KDF1: variants seen among roughly 807,000 people sequenced by gnomAD.
KDF1 encodes the protein keratinocyte differentiation factor 1.
In KDF1, 11 loss-of-function variants were observed where a neutral mutation model predicts 31.6. The observed-to-expected ratio is 0.35, with a 90% CI of 0.22 to 0.58. The LOEUF (loss-of-function observed/expected upper bound fraction) is 0.58, where lower values mean the gene tolerates loss of function less well. Ranked by LOEUF, KDF1 falls within the 20% of genes least tolerant of loss-of-function variation. The pLI, the probability that KDF1 is intolerant of heterozygous loss-of-function variation, is 0.83. For missense variants in KDF1, 476 were observed against 549.1 expected, an observed-to-expected ratio of 0.87 and a Z score of 1.33; for synonymous variants, 205 against 214.4, an observed-to-expected ratio of 0.96 and a Z score of 0.38.
rs918700516 is a variant in KDF1, at chr1:26,950,594, C to A, written c.1114+88G>T. Reference sequence around the variant, plus strand: ...TCCCTTTTTGATGTCATCCTCATCACCCCAAAAGAAAGCTGGGAGAGCAGC... The same window carrying A: ...TCCCTTTTTGATGTCATCCTCATCAACCCAAAAGAAAGCTGGGAGAGCAGC... On this transcript the variant is annotated intron_variant, in intron 3 of 3. Transcript: ENST00000320567. This position sits in a 1 kb window ranked among gnomAD's most constrained non-coding sequence, Gnocchi z 4.0. 9.1e-7 allele frequency: 1 copy of A among 1,104,000 alleles called. No individual in the cohort carries two copies. The allele number at this position is 1,104,000 out of a possible 1,614,324, so 68.4% of individuals were successfully genotyped here.
Position 26,950,644 on chromosome 1 carries a change from C to T in KDF1, c.1114+38G>A. 6.4e-7 allele frequency: 1 copy of T among 1,561,990 alleles called. No homozygotes were observed. The highest frequency in any genetic ancestry group is 2.2e-5 in the East Asian group (1 of 44,546). Reference sequence around the variant, plus strand: ...CAGGTGAGGGGCCCCTAGGGTAGTCCCCCACCCTCCACACCCCTCATTAGG... The same window carrying T: ...CAGGTGAGGGGCCCCTAGGGTAGTCTCCCACCCTCCACACCCCTCATTAGG... On this transcript the variant is annotated intron_variant, in intron 3 of 3. Transcript: ENST00000320567. This position sits in a 1 kb window ranked among gnomAD's most constrained non-coding sequence, Gnocchi z 4.0.
In KDF1 at chr1:26,950,025, C is replaced by T; in HGVS notation, c.*44G>A. On this transcript the variant is annotated 3_prime_UTR_variant, in exon 4 of 4. Transcript: ENST00000320567. This position sits in a 1 kb window ranked among gnomAD's most constrained non-coding sequence, Gnocchi z 4.0. The stretch of plus-strand genomic sequence containing the variant: ...TGGTCCCCCTCTTCATTCTGTAGGC[C>T]ATGCTTCTCCCAGAAAGGGTGTGGC... 1 of 1,568,720 alleles carries T rather than the reference C, an allele frequency of 6.4e-7. No individual in the cohort carries two copies. Among genetic ancestry groups the T allele is most frequent in the Non-Finnish European group, 8.8e-7 (1 of 1,139,860 alleles).
chr1:26,959,817 C>T (rs1264167637), intron 1 of KDF1, among the ~76,000 whole-genome samples: 1 of 152,120 alleles, frequency 6.6e-6, no homozygotes, highest in Non-Finnish European at 1.5e-5. Flanking sequence ...CAGTCCTGCT[C>T]GAGAAACAGC....
chr1:26,953,680 T>G (rs914777185), intron 1 of KDF1, among the ~76,000 whole-genome samples: 1 of 151,888 alleles, frequency 6.6e-6, no homozygotes, highest in African/African-American at 2.4e-5. Flanking sequence ...ATAGCCCGGG[T>G]GCGGTGGCTC....
intron 1 of KDF1, among the ~76,000 whole-genome samples, chr1:26,955,429 A>G (rs964058980): frequency 6.6e-6 from 1 of 152,174 alleles, no homozygotes; most frequent in African/African-American, 2.4e-5. Context: ...AGCAACATTT[A>G]ACACCAACCA....
In KDF1 at chr1:26,952,600, G is replaced by A. The variant is rs1207258354; in HGVS notation, c.-32-188C>T. Among the ~76,000 whole-genome samples the A allele has an allele frequency of 6.6e-6, 1 of 151,114 alleles. No homozygotes were observed. The highest frequency in any genetic ancestry group is 1.5e-5 in the Non-Finnish European group (1 of 67,996). On this transcript the variant is annotated intron_variant, in intron 1 of 3. Coordinates refer to ENST00000320567, the MANE Select transcript of KDF1 (RefSeq NM_152365.3). This position sits in a 1 kb window ranked among gnomAD's most constrained non-coding sequence, Gnocchi z 4.1. The stretch of plus-strand genomic sequence containing the variant: ...TGCCCAAAAACCCTTATCTCTTGTG[G>A]CCCTCCCTCCACAAAGAGAAAGTCT...
chr1:26,956,141 C>T (rs150997466), intron 1 of KDF1, among the ~76,000 whole-genome samples: 110 of 152,264 alleles, frequency 7.2e-4, no homozygotes, highest in African/African-American at 2.3e-3. Flanking sequence ...ACACTGATCC[C>T]TTATCCTTTT....
intron 1 of KDF1, among the ~76,000 whole-genome samples, chr1:26,953,733 T>A (rs1175859339): frequency 2.0e-5 from 3 of 152,034 alleles, no homozygotes; most frequent in African/African-American, 7.2e-5. Context: ...GATGGGTGGA[T>A]CACTTGAGCG....
At chr1:26,958,214 T>G (rs1431369126) in intron 1 of KDF1, among the ~76,000 whole-genome samples, 1 of 147,456 alleles carries the variant, frequency 6.8e-6, no homozygotes, top group East Asian at 2.1e-4. Flanking sequence ...CTTGGCTCAC[T>G]GCAACCTCTG....
rs755657572 is a variant in KDF1 at position 26,951,870 on chromosome 1, C to A, written c.511G>T (p.Val171Leu). ...GAGGTGGCCCTCGGGTAGGGATACA[C>A]AGGGATGCCTTTGAGCTTAACATCG... Reference protein sequence around the residue: ...YPDVKLKGIPVYPYPRATSPA... With the variant: ...YPDVKLKGIPLYPYPRATSPA... The change falls in exon 2 of 4, where the codon GTG (valine) becomes TTG (leucine). Residue 171 changes from valine (V) to leucine (L), a missense_variant. Physicochemically the swap from Val to Leu is conservative, Grantham distance 32. Around this residue, in one of 2 missense-constraint regions of KDF1, gnomAD observed 330 missense variants for 332.3 expected, o/e 0.99. Transcript: ENST00000320567. This position sits in a 1 kb window ranked among gnomAD's most constrained non-coding sequence, Gnocchi z 5.4. 6.2e-7 allele frequency: 1 copy of A among 1,613,228 alleles called. No homozygotes were observed. Among genetic ancestry groups the A allele is most frequent in the East Asian group, 2.2e-5 (1 of 44,866 alleles).
intron 1 of KDF1, among the ~76,000 whole-genome samples, chr1:26,958,714 T>C (rs1416980429): frequency 6.6e-6 from 1 of 152,188 alleles, no homozygotes; most frequent in Non-Finnish European, 1.5e-5. Flanking sequence ...CATCTATTAC[T>C]TGGGAGAAAA....
At chr1:26,955,869 C>T (rs951961917) in intron 1 of KDF1, among the ~76,000 whole-genome samples, 1 of 152,096 alleles carries the variant, frequency 6.6e-6, no homozygotes, top group Non-Finnish European at 1.5e-5. Context: ...GCAGGAGAAT[C>T]GCTTGAACTT....
Position 26,950,707 on chromosome 1 carries a change from C to T in KDF1, c.1089G>A (p.Arg363=), listed in dbSNP as rs775750974. 2 of 1,613,596 alleles carry T rather than the reference C, an allele frequency of 1.2e-6. No homozygotes were observed. Among genetic ancestry groups the T allele is most frequent in the Non-Finnish European group, 8.5e-7 (1 of 1,179,628 alleles). ...CTGGAGCTCCATAAGGCCTCAGCTT[C>T]CGGGCGATGGCATCTGCAGTCGTCT... ...SQETTADAIA[R]KLRPYGAPGY... The change falls in exon 3 of 4, where the codon CGG becomes CGA. Residue 363 remains arginine, a synonymous_variant. Coordinates refer to ENST00000320567, the MANE Select transcript of KDF1 (RefSeq NM_152365.3). This position sits in a 1 kb window ranked among gnomAD's most constrained non-coding sequence, Gnocchi z 4.0.
chr1:26,957,421 A>G (rs996240569), intron 1 of KDF1, among the ~76,000 whole-genome samples: 1 of 152,134 alleles, frequency 6.6e-6, no homozygotes, highest in South Asian at 2.1e-4. Context: ...CTATGTCCCC[A>G]AGGACCATGA....
chr1:26,957,498 T>C (rs188310736), intron 1 of KDF1, among the ~76,000 whole-genome samples: 15 of 152,194 alleles, frequency 9.9e-5, no homozygotes, highest in Admixed American at 3.3e-4. Flanking sequence ...TTTGGTACAC[T>C]AGGTGCCTCA....
intron 1 of KDF1, among the ~76,000 whole-genome samples, chr1:26,957,028 G>A (rs2082380014): frequency 6.6e-6 from 1 of 152,204 alleles, no homozygotes; most frequent in South Asian, 2.1e-4. Context: ...CAGGGCTCAA[G>A]TGATCCTCCT....
intron 1 of KDF1, among the ~76,000 whole-genome samples, chr1:26,959,644 T>C (rs930880726): frequency 1.4e-5 from 2 of 144,084 alleles, no homozygotes; most frequent in African/African-American, 5.0e-5. Flanking sequence ...GGATTTCTCG[T>C]TGATGCTTTC....
At position 26,960,261 on chromosome 1, in the gene KDF1, G is replaced by A. The variant is rs1442472820; in HGVS notation, c.-33+89C>T. On this transcript the variant is annotated intron_variant, in intron 1 of 3. Coordinates refer to ENST00000320567, the MANE Select transcript of KDF1 (RefSeq NM_152365.3). The surrounding 1 kb of genome is among the most constrained non-coding windows in gnomAD (Gnocchi z 4.9). ...GTGGCCCCCGAGGAACCGGGCCCGGGACCCTCTCCTGTCCGGGCTCAGCTT... is the reference window on the plus strand; with the variant it reads ...GTGGCCCCCGAGGAACCGGGCCCGGAACCCTCTCCTGTCCGGGCTCAGCTT... The A allele has an allele frequency of 3.9e-5, 6 of 152,160 alleles. No individual in the cohort carries two copies. The highest frequency in any genetic ancestry group is 2.1e-4 in the South Asian group (1 of 4,836). The allele number at this position is 152,160 out of a possible 1,614,324, so 9.4% of individuals were successfully genotyped here.
chr1:26,952,466 C>T lies in KDF1; in HGVS notation c.-32-54G>A. 1 of 1,273,738 alleles carries T rather than the reference C, an allele frequency of 7.9e-7. No individual in the cohort carries two copies. The highest frequency in any genetic ancestry group is 1.1e-6 in the Non-Finnish European group (1 of 941,018). 78.9% of individuals were successfully genotyped at this position (1,273,738 alleles called of 1,614,324 possible). A position where few individuals can be genotyped will look rare whatever the true frequency, so the allele number is the denominator to read the frequency against. The stretch of plus-strand genomic sequence containing the variant: ...AGGATCAGAGGTGAGGGACAAACTC[C>T]TGGGCTGACTTGAGCAGCTTCACAT... On this transcript the variant is annotated intron_variant, in intron 1 of 3. Transcript: ENST00000320567. This position sits in a 1 kb window ranked among gnomAD's most constrained non-coding sequence, Gnocchi z 4.1.
Sources: allele counts gnomAD v4.1 joint callset (sites outside exome capture counted in the v4.1 genomes callset), GRCh38; gene constraint gnomAD v4.1.1; regional missense constraint gnomAD v4.1.1; non-coding constraint Gnocchi (gnomAD v3.1); transcripts MANE v1.5; gene names NCBI Gene and HGNC (gene_info 2026-07-23, HGNC 2026-07-21).